RANBP17: variants seen among roughly 807,000 people sequenced by gnomAD.
RANBP17 encodes the protein ran-binding protein 17.
Under a neutral mutation model 141.2 loss-of-function variants are expected in RANBP17, and 158 were observed. The observed-to-expected ratio is 1.12, with a 90% CI of 0.98 to 1.28. The LOEUF is 1.28. Among genes scored for constraint, RANBP17 ranks in the 50% most tolerant of loss-of-function variants. The pLI, the probability that RANBP17 is intolerant of heterozygous loss-of-function variation, is 0.00. For synonymous variants in RANBP17, 430 were observed against 450.0 expected (o/e 0.96, Z 0.56); for missense variants, 1,438 against 1,290.7 (o/e 1.11, Z -1.75).
At chr5:171,008,159 CA>C (rs1779783389) in intron 14 of RANBP17, among the ~76,000 whole-genome samples, 1 of 152,184 alleles carries the variant, frequency 6.6e-6, no homozygotes, top group Non-Finnish European at 1.5e-5. Context: ...TTTGGGTACA[CA>C]GATAAAATGT....
At chr5:171,264,557 A>G (rs375158266) in intron 24 of RANBP17, among the ~76,000 whole-genome samples, 8 of 152,336 alleles carry the variant, frequency 5.3e-5, no homozygotes, top group African/African-American at 1.7e-4. Context: ...AGATAATAAC[A>G]GTAACTATTA....
intron 14 of RANBP17, among the ~76,000 whole-genome samples, chr5:171,135,957 G>A (rs1757248940): frequency 6.6e-6 from 1 of 152,150 alleles, no homozygotes. Flanking sequence ...AATACTGGGT[G>A]ATAAATCATG....
intron 14 of RANBP17, among the ~76,000 whole-genome samples, chr5:170,995,589 G>C (rs1561967971): frequency 6.6e-6 from 1 of 152,080 alleles, no homozygotes; most frequent in Non-Finnish European, 1.5e-5. Context: ...ATTTGATAGA[G>C]TCGATGGTTG....
chr5:171,014,859 C>T (rs780812989), intron 14 of RANBP17, among the ~76,000 whole-genome samples: 1 of 151,958 alleles, frequency 6.6e-6, no homozygotes, highest in African/African-American at 2.4e-5. Flanking sequence ...ATGACAGATT[C>T]TTTCAGCTTT....
chr5:170,967,989 A>G (rs1009770688), intron 13 of RANBP17, among the ~76,000 whole-genome samples: 2 of 151,808 alleles, frequency 1.3e-5, no homozygotes, highest in African/African-American at 4.8e-5. Context: ...ATCTGTATAT[A>G]CATACAGAGT....
At chr5:171,177,180 C>G (rs1760540785) in intron 16 of RANBP17, among the ~76,000 whole-genome samples, 1 of 152,232 alleles carries the variant, frequency 6.6e-6, no homozygotes, top group Admixed American at 6.5e-5. Flanking sequence ...TCTTTATCAG[C>G]TACAGAAAAG....
chr5:171,041,599 G>A (rs573286518), intron 14 of RANBP17, among the ~76,000 whole-genome samples: 2 of 152,194 alleles, frequency 1.3e-5, no homozygotes, highest in South Asian at 2.1e-4. Context: ...CCTAGGCTGC[G>A]TGGTATAGCC....
intron 6 of RANBP17, 56 bp from the exon 7 acceptor site, chr5:170,910,913 G>T (rs970060072): frequency 4.7e-6 from 7 of 1,503,880 alleles, no homozygotes; most frequent in Non-Finnish European, 5.5e-6. Flanking sequence ...AATTCATGAA[G>T]TGTAAATTTA....
intron 14 of RANBP17, among the ~76,000 whole-genome samples, chr5:171,077,155 C>T (rs539271521): frequency 3.9e-5 from 6 of 152,056 alleles, no homozygotes; most frequent in South Asian, 4.2e-4. Context: ...CTGGCAAACA[C>T]GGTGAAACCC....
At chr5:171,017,611 T>C (rs969946899) in intron 14 of RANBP17, among the ~76,000 whole-genome samples, 2 of 152,206 alleles carry the variant, frequency 1.3e-5, no homozygotes, top group Non-Finnish European at 1.5e-5. Flanking sequence ...GTATGTTGTT[T>C]TCTTGTAAAT....
chr5:171,069,632 G>C (rs1784516341), intron 14 of RANBP17, among the ~76,000 whole-genome samples: 1 of 152,088 alleles, frequency 6.6e-6, no homozygotes, highest in Non-Finnish European at 1.5e-5. Flanking sequence ...AATTAATGAG[G>C]TATTCAACAC....
chr5:171,016,176 C>CT (rs377305717), intron 14 of RANBP17, among the ~76,000 whole-genome samples: 6,534 of 108,950 alleles, frequency 0.06, 305 homozygotes, highest in African/African-American at 0.14. Flanking sequence ...GGGATCACTG[C>CT]TTTTTTTTTT....
intron 18 of RANBP17, among the ~76,000 whole-genome samples, chr5:171,186,526 C>CTTTTTGTTTTTTTTTTTTTTTTT (rs1761250520): frequency 2.4e-5 from 1 of 41,650 alleles, no homozygotes; most frequent in Non-Finnish European, 4.2e-5. Context: ...GTATGATTTT[C>CTTTTTGTTTTTTTTTTTTTTTTT]TTTTTTTTTT....
chr5:170,952,491 A>C (rs963113787), intron 12 of RANBP17, among the ~76,000 whole-genome samples: 1 of 152,052 alleles, frequency 6.6e-6, no homozygotes, highest in African/African-American at 2.4e-5. Flanking sequence ...CTCACCAAAA[A>C]TTATAAAAGA....
At chr5:170,984,819 A>G (rs905744141) in intron 14 of RANBP17, among the ~76,000 whole-genome samples, 2 of 152,184 alleles carry the variant, frequency 1.3e-5, no homozygotes, top group African/African-American at 4.8e-5. Context: ...TACTCTAATT[A>G]TAAATTATCT....
At chr5:171,042,543 T>C (rs1448690191) in intron 14 of RANBP17, among the ~76,000 whole-genome samples, 1 of 152,126 alleles carries the variant, frequency 6.6e-6, no homozygotes, top group Admixed American at 6.6e-5. Context: ...GGTGTGTTGT[T>C]TGCATCAAAG....
At chr5:171,180,930 A>T (rs973276199) in intron 16 of RANBP17, among the ~76,000 whole-genome samples, 1 of 152,168 alleles carries the variant, frequency 6.6e-6, no homozygotes, top group Non-Finnish European at 1.5e-5. Flanking sequence ...CACTGACAGG[A>T]AGATTCCTAT....
intron 1 of RANBP17, among the ~76,000 whole-genome samples, chr5:170,873,067 G>A (rs934832760): frequency 6.6e-5 from 10 of 152,060 alleles, no homozygotes; most frequent in East Asian, 1.9e-4. Context: ...ACGTGAAACC[G>A]TGCCCGGCTG....
chr5:171,086,879 G>A (rs1266033016), intron 14 of RANBP17, among the ~76,000 whole-genome samples: 14 of 144,156 alleles, frequency 9.7e-5, no homozygotes, highest in African/African-American at 1.6e-4. Context: ...TCTTGCTAGC[G>A]GTCTATCAAT....
Sources: gnomAD v4.1 joint callset for allele counts (sites outside exome capture counted in the v4.1 genomes callset) on GRCh38, gnomAD v4.1.1 for gene constraint, MANE v1.5 for transcripts, NCBI Gene and HGNC (gene_info 2026-07-23, HGNC 2026-07-21) for gene names.